The following RGS3 variants were observed in gnomAD, a reference collection of about 807,000 sequenced individuals.
The protein encoded by RGS3 is regulator of G-protein signalling 3.
In RGS3, 80 loss-of-function variants were observed where a neutral mutation model predicts 132.6. The ratio of observed to expected loss-of-function variants is 0.60; its 90% CI spans 0.50 to 0.73. The LOEUF (loss-of-function observed/expected upper bound fraction) is 0.73. RGS3 is among the 30% of genes least tolerant of loss of function. The pLI is 0.00. For synonymous variants in RGS3, 598 were observed against 620.6 expected (o/e 0.96, Z 0.54); for missense variants, 1,382 against 1,530.8 (o/e 0.90, Z 1.62).
rs1016392576 is a variant in RGS3, at chr9:113,591,044, A to C, written c.3016-289A>C. Among the ~76,000 whole-genome samples, 1 of 152,236 alleles carries C rather than the reference A, an allele frequency of 6.6e-6. No individual in the cohort carries two copies. Among genetic ancestry groups the C allele is most frequent in the East Asian group, 1.9e-4 (1 of 5,198 alleles). ...CCCTCTCACCTGCTCACTGCCTGCA[A>C]TGAAGCCTCTGTCCTGAGTGCCAGC... is the stretch of plus-strand genomic sequence containing the variant. On this transcript the variant is annotated intron_variant, in intron 20 of 24. Transcript: ENST00000350696. This position sits in a 1 kb window ranked among gnomAD's most constrained non-coding sequence, Gnocchi z 4.4.
intron 5 of RGS3, among the ~76,000 whole-genome samples, chr9:113,483,561 G>T (rs1050597379): frequency 6.6e-6 from 1 of 152,202 alleles, no homozygotes; most frequent in Non-Finnish European, 1.5e-5. Flanking sequence ...GTCCTTATAG[G>T]GGTGGGGCTC....
At chr9:113,512,401 A>T (rs543168545) in intron 14 of RGS3, among the ~76,000 whole-genome samples, 1 of 152,070 alleles carries the variant, frequency 6.6e-6, no homozygotes, top group East Asian at 1.9e-4. Context: ...TCTCTCCGTG[A>T]CTCACAGAAG....
At chr9:113,530,521 A>G (rs987953975) in intron 18 of RGS3, among the ~76,000 whole-genome samples, 1 of 152,232 alleles carries the variant, frequency 6.6e-6, no homozygotes, top group African/African-American at 2.4e-5. Flanking sequence ...AGAGAGGAGA[A>G]GCCATGACCA....
At chr9:113,563,747 G>A (rs1029135149) in intron 19 of RGS3, among the ~76,000 whole-genome samples, 3 of 152,146 alleles carry the variant, frequency 2.0e-5, no homozygotes, top group Non-Finnish European at 4.4e-5. Context: ...GAGTCGACCC[G>A]ATAAAGAATG....
exon 19 of RGS3, chr9:113,536,877 G>T (rs1182611600): frequency 6.2e-7 from 1 of 1,614,128 alleles, no homozygotes; most frequent in Non-Finnish European, 8.5e-7. Flanking sequence ...GGAGAACATC[G>T]CCAAGCAGCA....
At chr9:113,465,062 G>A (rs1022755613) in intron 3 of RGS3, among the ~76,000 whole-genome samples, 8 of 152,026 alleles carry the variant, frequency 5.3e-5, no homozygotes, top group African/African-American at 1.4e-4. Flanking sequence ...ACTTACCATT[G>A]CCATTCCTTA....
rs1051896388 is a variant in RGS3, at chr9:113,517,443, G to A, written c.1675-98G>A. 56 of 932,532 alleles carry A rather than the reference G, an allele frequency of 6.0e-5. No homozygotes were observed. In the Middle Eastern group the frequency reaches 1.4e-3, roughly 23 times the overall value. The allele number at this position is 932,532 out of a possible 1,614,324, so 57.8% of individuals were successfully genotyped here. On this transcript the variant is annotated intron_variant, in intron 15 of 24. Transcript: ENST00000350696. ...GCTGACAGTCTTCTCTGGGTCAGAGGGTTCTCTGTGGCTGGCTTTGACAAG... is the reference window on the plus strand; with the variant it reads ...GCTGACAGTCTTCTCTGGGTCAGAGAGTTCTCTGTGGCTGGCTTTGACAAG...
intron 4 of RGS3, 74 bp from the exon 3 acceptor site, chr9:113,482,985 G>C: frequency 6.2e-7 from 1 of 1,610,254 alleles, no homozygotes; most frequent in South Asian, 1.1e-5. Context: ...ATATGTCTAT[G>C]TGTGTCTCTC....
chr9:113,513,926 G>A (rs1307252653), intron 14 of RGS3, among the ~76,000 whole-genome samples: 1 of 152,150 alleles, frequency 6.6e-6, no homozygotes, highest in Non-Finnish European at 1.5e-5. Context: ...GGGCAGGGAG[G>A]GAGGAAACAG....
At chr9:113,501,469 C>T (rs745634717) in intron 10 of RGS3, 74 of 1,503,880 alleles carry the variant, frequency 4.9e-5, no homozygotes, top group Admixed American at 1.2e-4. Flanking sequence ...TTCTGTGGGG[C>T]GGGCTTCCCA....
chr9:113,456,423 C>T (rs1226585736), upstream of RGS3, among the ~76,000 whole-genome samples: 1 of 152,194 alleles, frequency 6.6e-6, no homozygotes, highest in Non-Finnish European at 1.5e-5. Flanking sequence ...TCATGTTCTT[C>T]ATTTCTGCAA....
intron 18 of RGS3, chr9:113,536,536 C>T (rs191383272): frequency 1.6e-6 from 2 of 1,260,138 alleles, no homozygotes; most frequent in Admixed American, 6.8e-5. Flanking sequence ...CAGGCCTCTG[C>T]TGTGTTGGGA....
At chr9:113,451,373 T>G (rs1829241657) in intron 1 of RGS3, among the ~76,000 whole-genome samples, 1 of 152,140 alleles carries the variant, frequency 6.6e-6, no homozygotes, top group African/African-American at 2.4e-5. Context: ...TTGCCCCTGT[T>G]TCTTTACAGT....
intron 1 of RGS3, chr9:113,461,689 C>A: frequency 1.9e-6 from 3 of 1,608,226 alleles, no homozygotes; most frequent in Middle Eastern, 1.7e-4. Context: ...GTGTGGGCCT[C>A]GGTCTTTTCT....
At chr9:113,457,411 G>A (rs1294397410), upstream of RGS3, among the ~76,000 whole-genome samples, 1 of 152,102 alleles carries the variant, frequency 6.6e-6, no homozygotes, top group African/African-American at 2.4e-5. Context: ...TTCCTCTATT[G>A]TAATGCTTAC....
intron 19 of RGS3, among the ~76,000 whole-genome samples, chr9:113,563,542 G>A (rs1053612220): frequency 1.3e-5 from 2 of 152,244 alleles, no homozygotes; most frequent in African/African-American, 2.4e-5. Context: ...CATCAGAATT[G>A]GCCATCTCTT....
At chr9:113,550,470 G>A (rs1588237021) in intron 19 of RGS3, among the ~76,000 whole-genome samples, 1 of 152,198 alleles carries the variant, frequency 6.6e-6, no homozygotes, top group Admixed American at 6.5e-5. Context: ...TTATAAAATG[G>A]ATTATTGATC....
chr9:113,477,993 C>T (rs992881188), intron 3 of RGS3, among the ~76,000 whole-genome samples: 1 of 152,242 alleles, frequency 6.6e-6, no homozygotes, highest in Non-Finnish European at 1.5e-5. Context: ...TTTTCGATGT[C>T]ACCGAGGAAG....
At chr9:113,500,215 A>C (rs1447385860) in intron 10 of RGS3, among the ~76,000 whole-genome samples, 2 of 152,210 alleles carry the variant, frequency 1.3e-5, no homozygotes, top group African/African-American at 4.8e-5. Context: ...TGTGCTTCTC[A>C]GAGGCTTGGT....
Sources: gnomAD v4.1 joint callset for allele counts (sites outside exome capture counted in the v4.1 genomes callset) on GRCh38, gnomAD v4.1.1 for gene constraint, Gnocchi (gnomAD v3.1) non-coding constraint, MANE v1.5 for transcripts, NCBI Gene and HGNC (gene_info 2026-07-23, HGNC 2026-07-21) for gene names.